VEGFC: variants seen among roughly 807,000 people sequenced by gnomAD.
The protein encoded by VEGFC is FLT4 ligand DHM.
VEGFC carries 12 observed loss-of-function variants against 46.1 expected under a neutral mutation model. The ratio of observed to expected loss-of-function variants is 0.26; its 90% CI spans 0.17 to 0.42. The LOEUF (loss-of-function observed/expected upper bound fraction) is 0.42. Among genes scored for constraint, VEGFC ranks in the 10% least tolerant of loss-of-function variants. VEGFC has a pLI of 1.00. For missense variants in VEGFC, 488 were observed against 529.4 expected (o/e 0.92, Z 0.77); for synonymous variants, 232 against 195.5 (o/e 1.19, Z -1.56).
chr4:176,751,061 A>G (rs1332588830), intron 1 of VEGFC, among the ~76,000 whole-genome samples: 1 of 151,848 alleles, frequency 6.6e-6, no homozygotes, highest in Non-Finnish European at 1.5e-5. Context: ...ATTAAAAACT[A>G]TAAGACTGAG....
intron 1 of VEGFC, among the ~76,000 whole-genome samples, chr4:176,746,133 T>A (rs1329144801): frequency 6.6e-6 from 1 of 152,052 alleles, no homozygotes; most frequent in African/African-American, 2.4e-5. Context: ...TTTGTTTTCA[T>A]CATTTTCAAA....
chr4:176,697,729 C>G (rs62328273), intron 4 of VEGFC, among the ~76,000 whole-genome samples: 3,250 of 151,508 alleles, frequency 0.021, 50 homozygotes, highest in Non-Finnish European at 0.031. Context: ...AGACTTGGAA[C>G]CAACCCAAAT....
chr4:176,745,500 A>T (rs948729585), intron 1 of VEGFC, among the ~76,000 whole-genome samples: 1 of 152,048 alleles, frequency 6.6e-6, no homozygotes, highest in African/African-American at 2.4e-5. Flanking sequence ...AGTTCCAGGA[A>T]CTGTCACTAG....
At chr4:176,724,227 A>G (rs1734836823) in intron 3 of VEGFC, among the ~76,000 whole-genome samples, 1 of 152,210 alleles carries the variant, frequency 6.6e-6, no homozygotes. Context: ...CCTGGTTTAA[A>G]GGGAAAAGGC....
intron 3 of VEGFC, among the ~76,000 whole-genome samples, chr4:176,720,376 CAG>C (rs1734763825): frequency 6.6e-6 from 1 of 152,168 alleles, no homozygotes; most frequent in Admixed American, 6.5e-5. Flanking sequence ...AAACACCATT[CAG>C]ACTCTTTCAA....
chr4:176,711,550 T>C lies in VEGFC; in HGVS notation c.653A>G (p.Tyr218Cys). 6.2e-7 allele frequency: 1 copy of C among 1,613,728 alleles called. No individual in the cohort carries two copies. The highest frequency in any genetic ancestry group is 8.5e-7 in the Non-Finnish European group (1 of 1,179,736). The change falls in exon 4 of 7, where the codon TAC (tyrosine) becomes TGC (cysteine). Residue 218 changes from tyrosine (Y) to cysteine (C), a missense_variant. Transcript: ENST00000618562. ...SCRCMSKLDV[Y>C]RQVHSIIRRS... ...TCTAATAATGGAATGAACTTGTCTGTAAACATCCAGTTTAGACATGCATCG... is the reference window on the plus strand; with the variant it reads ...TCTAATAATGGAATGAACTTGTCTGCAAACATCCAGTTTAGACATGCATCG...
intron 1 of VEGFC, among the ~76,000 whole-genome samples, chr4:176,784,471 G>A (rs1185137026): frequency 2.0e-5 from 3 of 151,994 alleles, no homozygotes; most frequent in African/African-American, 7.2e-5. Flanking sequence ...AACTAGGCTG[G>A]GCGTGGTGGT....
At chr4:176,765,660 A>G (rs1189818078) in intron 1 of VEGFC, among the ~76,000 whole-genome samples, 4 of 146,088 alleles carry the variant, frequency 2.7e-5, no homozygotes, top group Non-Finnish European at 5.9e-5. Flanking sequence ...GGTTCACGCC[A>G]TTCTCCTGCC....
chr4:176,780,044 A>G (rs1333595601), intron 1 of VEGFC, among the ~76,000 whole-genome samples: 1 of 152,180 alleles, frequency 6.6e-6, no homozygotes, highest in African/African-American at 2.4e-5. Context: ...GTTCTTAGTA[A>G]TGGCAACTGA....
intron 1 of VEGFC, among the ~76,000 whole-genome samples, chr4:176,791,310 C>A (rs1327848703): frequency 6.6e-6 from 1 of 152,072 alleles, no homozygotes; most frequent in African/African-American, 2.4e-5. Context: ...ATGGTTATGG[C>A]AGGTATGAAC....
At position 176,788,602 on chromosome 4, in the gene VEGFC, C is replaced by T. The variant is rs148331332; in HGVS notation, c.147+3563G>A. 3.3e-3 allele frequency among the ~76,000 whole-genome samples: 502 copies of T among 152,304 alleles called. 4 individuals are homozygous for T. Among genetic ancestry groups the T allele is most frequent in the Admixed American group, 7.8e-3 (120 of 15,300 alleles). On this transcript the variant is annotated intron_variant, in intron 1 of 6. Coordinates refer to ENST00000618562, the MANE Select transcript of VEGFC (RefSeq NM_005429.5). ...GTAGAGTACCTGTTGTTTACTCTCA[C>T]GATCACATGGCTGACTGGTCACAGC...
chr4:176,760,035 A>T (rs1024391487), intron 1 of VEGFC, among the ~76,000 whole-genome samples: 1 of 152,152 alleles, frequency 6.6e-6, no homozygotes, highest in African/African-American at 2.4e-5. Context: ...CATAAAACAA[A>T]TAAGTCGAAA....
chr4:176,758,308 A>C (rs1442955023), intron 1 of VEGFC, among the ~76,000 whole-genome samples: 1 of 152,118 alleles, frequency 6.6e-6, no homozygotes, highest in Non-Finnish European at 1.5e-5. Context: ...TTTCTTAATA[A>C]AGTTTATTCA....
Position 176,683,743 on chromosome 4 carries a change from C to G in VEGFC, c.*183G>C. On this transcript the variant is annotated 3_prime_UTR_variant, in exon 7 of 7. Transcript: ENST00000618562. ...GTCATTGGCAGAAAACCAGTCTTTA[C>G]AAGAGGCCTTTTGCAGATGAGCTCC... 1 of 427,692 alleles carries G rather than the reference C, an allele frequency of 2.3e-6. No individual in the cohort carries two copies. Among genetic ancestry groups the G allele is most frequent in the East Asian group, 3.5e-5 (1 of 28,850 alleles). 26.5% of individuals were successfully genotyped at this position (427,692 alleles called of 1,614,324 possible).
intron 1 of VEGFC, among the ~76,000 whole-genome samples, chr4:176,733,540 A>G (rs888513136): frequency 6.6e-6 from 1 of 151,872 alleles, no homozygotes. Flanking sequence ...TTTATATAAC[A>G]TTCTTTAATA....
At chr4:176,771,357 CT>C (rs1735718946) in intron 1 of VEGFC, among the ~76,000 whole-genome samples, 1 of 152,110 alleles carries the variant, frequency 6.6e-6, no homozygotes, top group Admixed American at 6.6e-5. Context: ...TTTCTGCCAT[CT>C]TTTAAATGTC....
intron 1 of VEGFC, among the ~76,000 whole-genome samples, chr4:176,730,002 G>A (rs1463277371): frequency 6.6e-6 from 1 of 151,922 alleles, no homozygotes. Context: ...TAATTTTAAG[G>A]TAGCTTATTT....
chr4:176,784,069 T>TG lies in VEGFC; in HGVS notation c.147+8095_147+8096insC, dbSNP rs1553998065. On this transcript the variant is annotated intron_variant, in intron 1 of 6. Coordinates refer to ENST00000618562, the MANE Select transcript of VEGFC (RefSeq NM_005429.5). ...TTATATGTATGCACATGCTGTTTTT[T>TG]TTTTTTTTTTTTTGAAACAGAGTCT... 5.4e-4 allele frequency among the ~76,000 whole-genome samples: 76 copies of TG among 140,112 alleles called. 1 individual carries two copies. Among genetic ancestry groups the TG allele is most frequent in the South Asian group, 2.2e-3 (9 of 4,140 alleles). 91.9% of individuals were successfully genotyped at this position (140,112 alleles called of 152,430 possible). A position where few individuals can be genotyped will look rare whatever the true frequency, so the allele number is the denominator to read the frequency against.
At chr4:176,740,988 A>C (rs1462390037) in intron 1 of VEGFC, among the ~76,000 whole-genome samples, 1 of 151,992 alleles carries the variant, frequency 6.6e-6, no homozygotes, top group Non-Finnish European at 1.5e-5. Context: ...TAAACCAAAA[A>C]GAGGAATATA....
Sources: allele counts gnomAD v4.1 joint callset (sites outside exome capture counted in the v4.1 genomes callset), GRCh38; gene constraint gnomAD v4.1.1; transcripts MANE v1.5; gene names NCBI Gene and HGNC (gene_info 2026-07-23, HGNC 2026-07-21).